The following MYO1C variants were observed in gnomAD, a reference collection of about 807,000 sequenced individuals.
The protein encoded by MYO1C is unconventional myosin-Ic.
A neutral mutation model predicts 150.8 loss-of-function variants in MYO1C; 104 were observed. The observed-to-expected ratio is 0.69, with a 90% CI of 0.59 to 0.81. MYO1C has a LOEUF of 0.81. Ranked by LOEUF, MYO1C falls within the 30% of genes least tolerant of loss-of-function variation. The pLI is 0.00. For missense variants in MYO1C, 1,504 were observed against 1,435.0 expected (o/e 1.05, Z -0.78); for synonymous variants, 663 against 579.9 (o/e 1.14, Z -2.06).
rs774073535 is a variant in MYO1C at position 1,471,027 on chromosome 17, C to T, written c.2212+44G>A. On this transcript the variant is annotated intron_variant, in intron 21 of 31. Coordinates refer to ENST00000648651, the MANE Select transcript of MYO1C (RefSeq NM_001080779.2). ...CCAAGGGAGTGACTTCCCTGCTTCC[C>T]AGAAGGGACCCCGTGCAGCAGGAAG... 10 of 1,598,192 alleles carry T rather than the reference C, an allele frequency of 6.3e-6. No individual in the cohort carries two copies. The African/African-American group carries it at 6.7e-5, about 11-fold the overall frequency.
At chr17:1,469,449 C>A in intron 25 of MYO1C, 82 bp downstream of exon 25, 1 of 781,138 alleles carries the variant, frequency 1.3e-6, no homozygotes. Flanking sequence ...GGTAAATGCC[C>A]CTCCAGGCGG....
At position 1,474,800 on chromosome 17, in the gene MYO1C, C is replaced by A. The variant is rs769509283; in HGVS notation, c.1716+12G>T. On this transcript the variant is annotated intron_variant, in intron 16 of 31. Transcript: ENST00000648651. ...CCCCACCCCCACCCCGGCCTCCCCA[C>A]GTCCTCCTCACCTCCTTAAGGTTCC... 6.2e-6 allele frequency: 10 copies of A among 1,613,670 alleles called. No individual in the cohort carries two copies. Among genetic ancestry groups the A allele is most frequent in the South Asian group, 2.2e-5 (2 of 91,076 alleles).
chr17:1,485,054 G>T (rs1341223115), intron 1 of MYO1C: 1 of 1,197,390 alleles, frequency 8.4e-7, no homozygotes, highest in Non-Finnish European at 1.1e-6. Flanking sequence ...CTTTCCTCCA[G>T]CTGCTGGGCT....
intron 5 of MYO1C, chr17:1,481,353 C>T (rs1363893664): frequency 4.7e-6 from 1 of 211,278 alleles, no homozygotes; most frequent in Non-Finnish European, 9.7e-6. Flanking sequence ...CACTGCTCGC[C>T]ACTTCCACTG....
In MYO1C at chr17:1,479,598, C is replaced by T. The variant is rs760212713; in HGVS notation, c.1014G>A (p.Leu338=). 3.9e-5 allele frequency: 63 copies of T among 1,608,780 alleles called. No homozygotes were observed. Among genetic ancestry groups the T allele is most frequent in the Non-Finnish European group, 5.2e-5 (61 of 1,176,672 alleles). The change falls in exon 8 of 32, where the codon CTG becomes CTA. Residue 338 remains leucine, a synonymous_variant. Coordinates refer to ENST00000648651, the MANE Select transcript of MYO1C (RefSeq NM_001080779.2). This position sits in a 1 kb window ranked among gnomAD's most constrained non-coding sequence, Gnocchi z 4.2. ...CTCTGCCCGCCCCACTCACCCTGGT[C>T]AGATACTTGAGCTGGTTCTCGGTGG... The part of the protein sequence containing the change: ...QVTTENQLKY[L]TRLLSVEGST...
chr17:1,485,318 G>T, intron 1 of MYO1C: 1 of 1,017,130 alleles, frequency 9.8e-7, no homozygotes, highest in Non-Finnish European at 1.2e-6. Context: ...ATCCCAAAGG[G>T]GCCGCCGGTG....
At chr17:1,468,869 G>C (rs959823562) in intron 25 of MYO1C, 1 of 364,834 alleles carries the variant, frequency 2.7e-6, no homozygotes, top group African/African-American at 2.1e-5. Flanking sequence ...CCAATACTGA[G>C]TTGGCAAAAA....
intron 31 of MYO1C, among the ~76,000 whole-genome samples, chr17:1,466,042 C>A (rs965242054): frequency 3.3e-5 from 5 of 152,064 alleles, no homozygotes; most frequent in African/African-American, 1.2e-4. Context: ...GAGACTCAGA[C>A]CTGACTCCCA....
In MYO1C at chr17:1,470,387, C is replaced by T. The variant is rs375426886; in HGVS notation, c.2366+48G>A. On this transcript the variant is annotated intron_variant, in intron 23 of 31. Coordinates refer to ENST00000648651, the MANE Select transcript of MYO1C (RefSeq NM_001080779.2). The stretch of plus-strand genomic sequence containing the variant: ...GGGTGAGGGGCCTGGCGGTGAACCA[C>T]CCCCCACGCCCTGCTCTGCAGCCCC... The T allele has an allele frequency of 3.0e-4, 455 of 1,542,164 alleles. 3 individuals are homozygous for T. Among genetic ancestry groups the T allele is most frequent in the South Asian group, 1.7e-3 (146 of 83,880 alleles).
chr17:1,485,808 C>G (rs1239459837), intron 1 of MYO1C: 1 of 681,926 alleles, frequency 1.5e-6, no homozygotes, highest in Non-Finnish European at 1.8e-6. Context: ...GGCCCGCCCC[C>G]CGCACCGCCC....
At chr17:1,483,448 G>A (rs955840729) in intron 3 of MYO1C, among the ~76,000 whole-genome samples, 162 bp downstream of exon 3, 1 of 152,092 alleles carries the variant, frequency 6.6e-6, no homozygotes. Context: ...ATGGAGCTGA[G>A]TTGCGACATT....
At chr17:1,485,467 G>C (rs770600562) in intron 1 of MYO1C, 51 of 666,032 alleles carry the variant, frequency 7.7e-5, no homozygotes, top group Non-Finnish European at 8.8e-5. Context: ...CTCGGGTCAG[G>C]GGTCTCCGCG....
intron 2 of MYO1C, 141 bp downstream of exon 2, chr17:1,484,007 A>G (rs2074595863): frequency 8.2e-6 from 9 of 1,095,148 alleles, no homozygotes; most frequent in African/African-American, 1.6e-5. Context: ...GCGCCACTGC[A>G]CTCCAGCCTG....
rs775628558 is a variant in MYO1C, at chr17:1,484,156, G to T, written c.223C>A (p.Leu75Ile). The T allele has an allele frequency of 2.5e-5, 40 of 1,612,968 alleles. No individual in the cohort carries two copies. In the South Asian group the frequency reaches 4.3e-4, roughly 17 times the overall value. The change falls in exon 2 of 32, where the codon CTC (leucine) becomes ATC (isoleucine). Residue 75 changes from leucine (L) to isoleucine (I), a missense_variant. By Grantham distance (5) the Leu-to-Ile change is conservative. Coordinates refer to ENST00000648651, the MANE Select transcript of MYO1C (RefSeq NM_001080779.2). ...ENLRRRFRENLIYTYIGPVLV... is the reference protein window; with the variant it reads ...ENLRRRFRENIIYTYIGPVLV... ...CCCCACAAGGGCCTCACGTAGATGA[G>T]ATTCTCCCGAAATCGCCGCCGCAGG... is the stretch of plus-strand genomic sequence containing the variant.
Position 1,483,651 on chromosome 17 carries a change from C to T in MYO1C, c.306G>A (p.Glu102=). 1 of 1,613,134 alleles carries T rather than the reference C, an allele frequency of 6.2e-7. No homozygotes were observed. Among genetic ancestry groups the T allele is most frequent in the East Asian group, 2.2e-5 (1 of 44,856 alleles). Residue 102 remains glutamate (E), a synonymous_variant, in exon 3 of 32, where the codon GAG becomes GAA. Coordinates refer to ENST00000648651, the MANE Select transcript of MYO1C (RefSeq NM_001080779.2). ...CATAGAAGCTGACGCCACGGTAACG[C>T]TCCATATGCTGCCGGCTGTAGATCT... ...DLQIYSRQHM[E]RYRGVSFYEV...
chr17:1,491,895 G>T, intron 1 of MYO1C: 1 of 158,614 alleles, frequency 6.3e-6, no homozygotes, highest in Non-Finnish European at 1.4e-5. Flanking sequence ...TGCTGGGGGC[G>T]TGGGGGCGCC....
At chr17:1,488,185 G>C (rs2074689338) in intron 1 of MYO1C, among the ~76,000 whole-genome samples, 1 of 152,194 alleles carries the variant, frequency 6.6e-6, no homozygotes, top group South Asian at 2.1e-4. Flanking sequence ...CGGTTGGAAT[G>C]AGGGGAATCC....
intron 13 of MYO1C, 128 bp downstream of exon 13, chr17:1,477,763 C>A: frequency 9.3e-7 from 1 of 1,069,792 alleles, no homozygotes; most frequent in Non-Finnish European, 1.4e-6. Flanking sequence ...CCTCCATTCA[C>A]AGCTCTGCCC....
rs1231853687 is a variant in MYO1C, at chr17:1,484,293, C to A, written c.86G>T (p.Ser29Ile). ...CTCCATGGTCACCCGAACCCCGTCA[C>A]TGCCCAGGGCCTGCAGAGAATGGGC... is the stretch of plus-strand genomic sequence containing the variant. ...PHRPCKLALG[S>I]DGVRVTMESA... The change falls in exon 2 of 32, where the codon AGT becomes ATT. Residue 29 changes from serine (S) to isoleucine (I), a missense_variant. Coordinates refer to ENST00000648651, the MANE Select transcript of MYO1C (RefSeq NM_001080779.2). The A allele has an allele frequency of 6.2e-7, 1 of 1,610,208 alleles. No homozygotes were observed. The highest frequency in any genetic ancestry group is 8.5e-7 in the Non-Finnish European group (1 of 1,180,006).
Sources: allele counts gnomAD v4.1 joint callset (sites outside exome capture counted in the v4.1 genomes callset), GRCh38; gene constraint gnomAD v4.1.1; non-coding constraint Gnocchi (gnomAD v3.1); transcripts MANE v1.5; gene names NCBI Gene and HGNC (gene_info 2026-07-23, HGNC 2026-07-21).